FAM171A1: variants seen among roughly 807,000 people sequenced by gnomAD.
FAM171A1 encodes the protein family with sequence similarity 171 member A1, also known as protein FAM171A1.
A neutral mutation model predicts 74.9 loss-of-function variants in FAM171A1; 23 were observed. That is an observed-to-expected ratio of 0.31 (90% CI 0.22 to 0.44). The LOEUF (loss-of-function observed/expected upper bound fraction) is 0.44, where lower values mean the gene tolerates loss of function less well. Among genes scored for constraint, FAM171A1 ranks in the 20% least tolerant of loss-of-function variants. The pLI is 1.00. For missense variants in FAM171A1, 1,162 were observed against 1,159.2 expected (o/e 1.00, Z -0.03); for synonymous variants, 527 against 505.7 (o/e 1.04, Z -0.57).
At chr10:15,288,273 A>G (rs1335396847) in intron 1 of FAM171A1, among the ~76,000 whole-genome samples, 1 of 152,098 alleles carries the variant, frequency 6.6e-6, no homozygotes, top group African/African-American at 2.4e-5. Flanking sequence ...TGTTCTGGGT[A>G]GATACCGGTA....
chr10:15,356,655 G>T (rs954436743), intron 1 of FAM171A1, among the ~76,000 whole-genome samples: 1 of 152,156 alleles, frequency 6.6e-6, no homozygotes, highest in Non-Finnish European at 1.5e-5. Flanking sequence ...AGTAGTATCA[G>T]TACTGAATGA....
chr10:15,269,607 A>G, intron 3 of FAM171A1, among the ~76,000 whole-genome samples: 1 of 152,154 alleles, frequency 6.6e-6, no homozygotes, highest in East Asian at 1.9e-4. Flanking sequence ...TTGAAAAAAT[A>G]AGAGGGCAAG....
chr10:15,274,006 T>C (rs1022931109), intron 3 of FAM171A1, among the ~76,000 whole-genome samples: 4 of 152,214 alleles, frequency 2.6e-5, no homozygotes, highest in Admixed American at 2.6e-4. Context: ...ACCACTCCTG[T>C]TCAACATAGT....
chr10:15,345,793 G>A (rs1285168372), intron 1 of FAM171A1, among the ~76,000 whole-genome samples: 1 of 152,146 alleles, frequency 6.6e-6, no homozygotes, highest in East Asian at 1.9e-4. Flanking sequence ...GAGCAAAGGT[G>A]CAAAGAAGAC....
chr10:15,250,661 G>C (rs1345524573), intron 4 of FAM171A1, among the ~76,000 whole-genome samples: 1 of 152,196 alleles, frequency 6.6e-6, no homozygotes, highest in Non-Finnish European at 1.5e-5. Context: ...TCAGGAGGCT[G>C]ATGTGGGAGG....
At chr10:15,219,054 G>A (rs1349169627) in intron 6 of FAM171A1, among the ~76,000 whole-genome samples, 2 of 152,104 alleles carry the variant, frequency 1.3e-5, no homozygotes, top group Admixed American at 6.5e-5. Flanking sequence ...AGGCTGAGGC[G>A]GGGGGATCAC....
intron 1 of FAM171A1, among the ~76,000 whole-genome samples, chr10:15,334,274 G>T (rs1835675342): frequency 6.6e-6 from 1 of 152,104 alleles, no homozygotes; most frequent in Admixed American, 6.6e-5. Flanking sequence ...TTTTGACCTT[G>T]GCTCTGGGAT....
intron 1 of FAM171A1, among the ~76,000 whole-genome samples, chr10:15,286,955 T>C (rs930183907): frequency 2.0e-5 from 3 of 152,238 alleles, no homozygotes; most frequent in East Asian, 1.9e-4. Context: ...CTTCATACTA[T>C]AGGAGAAAAC....
intron 5 of FAM171A1, among the ~76,000 whole-genome samples, chr10:15,234,931 G>A (rs1461929084): frequency 6.6e-6 from 1 of 152,038 alleles, no homozygotes; most frequent in Non-Finnish European, 1.5e-5. Context: ...CAGAGTGCTG[G>A]GATTACAGGC....
Position 15,213,176 on chromosome 10 carries a change from C to G in FAM171A1, c.2412G>C (p.Thr804=). Residue 804 remains threonine (T), a synonymous_variant, in exon 8 of 8, where the codon ACG becomes ACC. Coordinates refer to ENST00000378116, the MANE Select transcript of FAM171A1 (RefSeq NM_001010924.2). This position sits in a 1 kb window ranked among gnomAD's most constrained non-coding sequence, Gnocchi z 6.8. ...GGGCACTGTCCTCGGGGGTACAGACCGTGGTCCCACATTCGCTACCACTCT... is the reference window on the plus strand; with the variant it reads ...GGGCACTGTCCTCGGGGGTACAGACGGTGGTCCCACATTCGCTACCACTCT... ...VEQSGSECGT[T]VCTPEDSALR... 1 of 1,614,116 alleles carries G rather than the reference C, an allele frequency of 6.2e-7. No individual in the cohort carries two copies. Among genetic ancestry groups the G allele is most frequent in the South Asian group, 1.1e-5 (1 of 91,082 alleles).
At chr10:15,354,971 A>C (rs2131883580) in intron 1 of FAM171A1, among the ~76,000 whole-genome samples, 1 of 152,376 alleles carries the variant, frequency 6.6e-6, no homozygotes, top group East Asian at 1.9e-4. Flanking sequence ...TTAGAACTTA[A>C]CCTTTAAAAG....
intron 3 of FAM171A1, 58 bp downstream of exon 3, chr10:15,275,797 A>G: frequency 1.8e-6 from 2 of 1,141,606 alleles, no homozygotes; most frequent in South Asian, 1.4e-5. Flanking sequence ...CCATAAATGT[A>G]TACAATAATG....
intron 1 of FAM171A1, among the ~76,000 whole-genome samples, chr10:15,315,982 G>T (rs559391441): frequency 5.7e-4 from 86 of 152,164 alleles, no homozygotes; most frequent in Middle Eastern, 3.4e-3. Context: ...CCCCAGGTGT[G>T]TTTTTTTCTG....
chr10:15,318,593 T>C (rs1014073189), intron 1 of FAM171A1, among the ~76,000 whole-genome samples: 3 of 152,350 alleles, frequency 2.0e-5, no homozygotes, highest in South Asian at 4.1e-4. Flanking sequence ...TTCCCATCAG[T>C]ACGTAGGTCA....
chr10:15,312,557 C>T (rs564673337), intron 1 of FAM171A1, among the ~76,000 whole-genome samples: 55 of 151,760 alleles, frequency 3.6e-4, no homozygotes, highest in African/African-American at 1.3e-3. Context: ...CAGGGCTGTG[C>T]AGCTCAGATT....
chr10:15,239,868 A>G (rs1346360332), intron 5 of FAM171A1, among the ~76,000 whole-genome samples: 2 of 152,216 alleles, frequency 1.3e-5, no homozygotes, highest in East Asian at 3.8e-4. Context: ...ATTTTGGAAT[A>G]TTTGCATTAT....
At chr10:15,354,414 T>A (rs1041606231) in intron 1 of FAM171A1, among the ~76,000 whole-genome samples, 4 of 151,930 alleles carry the variant, frequency 2.6e-5, no homozygotes, top group African/African-American at 9.7e-5. Context: ...GAGAACTGCT[T>A]GAACCCGGGA....
chr10:15,319,432 T>G (rs1835460957), intron 1 of FAM171A1, among the ~76,000 whole-genome samples: 1 of 152,128 alleles, frequency 6.6e-6, no homozygotes, highest in Non-Finnish European at 1.5e-5. Flanking sequence ...TCCAGGGATT[T>G]TTTTTATTTT....
At chr10:15,360,843 C>G (rs1365907113) in intron 1 of FAM171A1, among the ~76,000 whole-genome samples, 1 of 152,206 alleles carries the variant, frequency 6.6e-6, no homozygotes, top group Non-Finnish European at 1.5e-5. Flanking sequence ...CAACATCACC[C>G]TGGCGGTTCT....
Sources: gnomAD v4.1 joint callset for allele counts (sites outside exome capture counted in the v4.1 genomes callset) on GRCh38, gnomAD v4.1.1 for gene constraint, Gnocchi (gnomAD v3.1) non-coding constraint, MANE v1.5 for transcripts, NCBI Gene and HGNC (gene_info 2026-07-23, HGNC 2026-07-21) for gene names.